SLC27A1: variants seen among roughly 807,000 people sequenced by gnomAD.
SLC27A1 encodes the protein long-chain fatty acid transport protein 1.
Under a neutral mutation model 62.2 loss-of-function variants are expected in SLC27A1, and 61 were observed. The observed-to-expected ratio is 0.98, with a 90% CI of 0.80 to 1.21. The LOEUF (loss-of-function observed/expected upper bound fraction) is 1.21, where lower values mean the gene tolerates loss of function less well. Among genes scored for constraint, SLC27A1 ranks in the 50% most tolerant of loss-of-function variants. The pLI, the probability that SLC27A1 is intolerant of heterozygous loss-of-function variation, is 0.00. For missense variants in SLC27A1, 903 were observed against 932.1 expected, an observed-to-expected ratio of 0.97 and a Z score of 0.41; for synonymous variants, 435 against 408.6, an observed-to-expected ratio of 1.06 and a Z score of -0.78.
rs546614772 is a variant in SLC27A1 at position 17,475,397 on chromosome 19, G to A, written c.167+4690G>A. On this transcript the variant is annotated intron_variant, in intron 1 of 11. Coordinates refer to ENST00000252595, the MANE Select transcript of SLC27A1 (RefSeq NM_198580.3). ...CTCTACACGCAAAAAATTAGCTGGG[G>A]GAGTGGGGCTCTCCTGTGGTCCCAG... 1.1e-3 allele frequency among the ~76,000 whole-genome samples: 164 copies of A among 152,188 alleles called. 1 individual carries two copies. Among genetic ancestry groups the A allele is most frequent in the African/African-American group, 3.8e-3 (159 of 41,530 alleles).
In SLC27A1 at chr19:17,501,336, C is replaced by T. The variant is rs374865412; in HGVS notation, c.1700C>T (p.Ala567Val). The change falls in exon 11 of 12, where the codon GCG becomes GTG. Residue 567 changes from alanine (A) to valine (V), a missense_variant. Transcript: ENST00000252595. ...CCCCACAGCCTGCTGGACCCCAACG[C>T]GATATACCAGGAGCTGCAGAAGGTG... ...ADPHSLLDPNAIYQELQKVLA... is the reference protein window; with the variant it reads ...ADPHSLLDPNVIYQELQKVLA... 2.8e-5 allele frequency: 45 copies of T among 1,613,922 alleles called. No homozygotes were observed. Among genetic ancestry groups the T allele is most frequent in the Non-Finnish European group, 3.1e-5 (37 of 1,180,020 alleles).
chr19:17,472,116 C>T (rs1222071083), intron 1 of SLC27A1, among the ~76,000 whole-genome samples: 1 of 152,154 alleles, frequency 6.6e-6, no homozygotes, highest in African/African-American at 2.4e-5. Flanking sequence ...CCATACTGGC[C>T]GGGAGCGGTG....
chr19:17,504,962 G>A lies in SLC27A1; in HGVS notation c.*350G>A, dbSNP rs975304254. The stretch of plus-strand genomic sequence containing the variant: ...GGCTAGAGTGCAGTGGTGGGATCTC[G>A]GCTCACTGCAACCTCTGCCTCCTGG... On this transcript the variant is annotated 3_prime_UTR_variant, in exon 12 of 12. Coordinates refer to ENST00000252595, the MANE Select transcript of SLC27A1 (RefSeq NM_198580.3). 13 of 423,906 alleles carry A rather than the reference G, an allele frequency of 3.1e-5. No homozygotes were observed. The highest frequency in any genetic ancestry group is 8.8e-5 in the South Asian group (5 of 57,134). 26.3% of individuals were successfully genotyped at this position (423,906 alleles called of 1,614,324 possible).
At chr19:17,497,542 A>T in intron 7 of SLC27A1, 78 bp downstream of exon 7, 1 of 1,334,858 alleles carries the variant, frequency 7.5e-7, no homozygotes, top group Non-Finnish European at 1.0e-6. Context: ...GGCCCCTGGG[A>T]TACATAAAAC....
In SLC27A1 at chr19:17,486,621, C is replaced by T; in HGVS notation, c.226C>T (p.His76Tyr). ...GCTGCGGCGGCACCAGCGTGCCGGCCACACCATCCCGCGCATCTTTCAGGC... is the reference window on the plus strand; with the variant it reads ...GCTGCGGCGGCACCAGCGTGCCGGCTACACCATCCCGCGCATCTTTCAGGC... Reference protein sequence around the residue: ...LELRRHQRAGHTIPRIFQAVV... With the variant: ...LELRRHQRAGYTIPRIFQAVV... Residue 76 changes from histidine to tyrosine, a missense_variant, in exon 2 of 12, where the codon CAC becomes TAC. His to Tyr is a moderately conservative substitution (Grantham distance 83). Transcript: ENST00000252595. This position sits in a 1 kb window ranked among gnomAD's most constrained non-coding sequence, Gnocchi z 6.6. The T allele has an allele frequency of 1.3e-6, 2 of 1,598,924 alleles. No homozygotes were observed. Among genetic ancestry groups the T allele is most frequent in the South Asian group, 1.1e-5 (1 of 90,318 alleles).
At chr19:17,469,338 A>C (rs1367723984), upstream of SLC27A1, among the ~76,000 whole-genome samples, 24 of 152,048 alleles carry the variant, frequency 1.6e-4, no homozygotes, top group Admixed American at 5.9e-4. Flanking sequence ...TTTAAGACCG[A>C]AAGAGGCTTT....
Position 17,470,554 on chromosome 19 carries a change from G to T in SLC27A1, c.14G>T (p.Gly5Val). The change falls in exon 1 of 12, where the codon GGT (glycine) becomes GTT (valine). Residue 5 changes from glycine (G) to valine (V), a missense_variant. By Grantham distance (109) the Gly-to-Val change is moderately radical (BLOSUM62 -3). Transcript: ENST00000252595. Reference protein sequence around the residue: MRAPGAGAASVVSLA... With the variant: MRAPVAGAASVVSLA... ...TGCTTCCCCAGGATGCGGGCTCCGG[G>T]TGCGGGCGCGGCCTCGGTGGTCTCG... The T allele has an allele frequency of 1.9e-6, 3 of 1,561,572 alleles. No homozygotes were observed. Among genetic ancestry groups the T allele is most frequent in the Middle Eastern group, 2.2e-4 (1 of 4,528 alleles).
chr19:17,487,169 C>G lies in SLC27A1; in HGVS notation c.563-5C>G, dbSNP rs1719106575. The stretch of plus-strand genomic sequence containing the variant: ...TGACCATGACCCATGTGTTGGGGAC[C>G]ACAGCGGTGGCCGAAGTGAGCGGGC... On this transcript the variant is annotated splice_polypyrimidine_tract_variant and splice_region_variant and intron_variant, in intron 2 of 11. Coordinates refer to ENST00000252595, the MANE Select transcript of SLC27A1 (RefSeq NM_198580.3). 1.2e-6 allele frequency: 2 copies of G among 1,613,992 alleles called. No individual in the cohort carries two copies. Among genetic ancestry groups the G allele is most frequent in the Non-Finnish European group, 1.7e-6 (2 of 1,180,002 alleles).
intron 7 of SLC27A1, 73 bp downstream of exon 7, chr19:17,497,537 C>T: frequency 1.5e-6 from 2 of 1,362,910 alleles, no homozygotes; most frequent in Non-Finnish European, 2.0e-6. Flanking sequence ...CCTGGGGCCC[C>T]TGGGATACAT....
intron 7 of SLC27A1, 23 bp downstream of exon 7, chr19:17,497,487 G>A (rs893726024): frequency 6.3e-7 from 1 of 1,585,104 alleles, no homozygotes; most frequent in South Asian, 1.1e-5. Flanking sequence ...AGGGCCCCGG[G>A]GCAGGTCTCG....
rs552902670 is a variant in SLC27A1 at position 17,486,108 on chromosome 19, T to C, written c.168-455T>C. Among the ~76,000 whole-genome samples, 3 of 152,318 alleles carry C rather than the reference T, an allele frequency of 2.0e-5. No homozygotes were observed. In the South Asian group the frequency reaches 6.2e-4, roughly 32 times the overall value. ...AGTTGGGGGCACACGTGCTAGATGC[T>C]TCAGCCATCTGTCCCTGGTGCCACC... On this transcript the variant is annotated intron_variant, in intron 1 of 11. Transcript: ENST00000252595. This position sits in a 1 kb window ranked among gnomAD's most constrained non-coding sequence, Gnocchi z 6.6.
chr19:17,496,002 T>G (rs2075345979), intron 6 of SLC27A1: 1 of 152,808 alleles, frequency 6.5e-6, no homozygotes, highest in Non-Finnish European at 1.5e-5. Context: ...GCAAAGTCCC[T>G]GAGGAGGCAG....
At chr19:17,499,122 AG>A (rs2075381331) in intron 7 of SLC27A1, 1 of 197,572 alleles carries the variant, frequency 5.1e-6, no homozygotes, top group African/African-American at 2.4e-5. Context: ...CCCGGGGGAA[AG>A]GGAGACTCCC....
At chr19:17,500,450 A>G in intron 8 of SLC27A1, 45 bp from the exon 9 acceptor site, 1 of 1,612,380 alleles carries the variant, frequency 6.2e-7, no homozygotes, top group Non-Finnish European at 8.5e-7. Flanking sequence ...AGGGGTCCCC[A>G]CGCCCTGCCT....
chr19:17,497,402 CA>C lies in SLC27A1; in HGVS notation c.1147del (p.Ile383SerfsTer40). On this transcript the variant is annotated frameshift_variant, in exon 7 of 12. Coordinates refer to ENST00000252595, the MANE Select transcript of SLC27A1 (RefSeq NM_198580.3). LOFTEE classifies it high-confidence loss of function. The stretch of plus-strand genomic sequence containing the variant: ...GTTCACGGAGCGCTTCGGCGTACGC[CA>C]AATCGGGGAGTTCTACGGCGCCACC... Reference protein sequence around the residue: ...EEFTERFGVRQIGEFYGATEC... With the variant: ...EEFTERFGVRXIGEFYGATEC... 6.2e-7 allele frequency: 1 copy of C among 1,605,072 alleles called. No homozygotes were observed. Among genetic ancestry groups the C allele is most frequent in the Non-Finnish European group, 8.5e-7 (1 of 1,177,362 alleles).
In SLC27A1 at chr19:17,470,550, C is replaced by CCGGGTG; in HGVS notation, c.15_20dup (p.Gly7_Ala8dup). On this transcript the variant is annotated inframe_insertion, in exon 1 of 12. Coordinates refer to ENST00000252595, the MANE Select transcript of SLC27A1 (RefSeq NM_198580.3). ...TCTCTGCTTCCCCAGGATGCGGGCT[C>CCGGGTG]CGGGTGCGGGCGCGGCCTCGGTGGT... 6.4e-7 allele frequency: 1 copy of CCGGGTG among 1,557,652 alleles called. No individual in the cohort carries two copies. The highest frequency in any genetic ancestry group is 8.6e-7 in the Non-Finnish European group (1 of 1,161,376).
chr19:17,501,442 T>C (rs11668681), intron 11 of SLC27A1, 23 bp downstream of exon 11: 1,367,898 of 1,603,810 alleles, frequency 0.85, 593,034 homozygotes, highest in Non-Finnish European at 0.9. Context: ...CCCACTCCAA[T>C]CTCTCTCTTC....
upstream of SLC27A1, chr19:17,470,460 G>A (rs1409607650): frequency 1.4e-6 from 2 of 1,399,032 alleles, no homozygotes; most frequent in African/African-American, 1.5e-5. Flanking sequence ...CGCTGTAGAG[G>A]CGGGGGCGGT....
At chr19:17,479,569 GA>G (rs1441257142) in intron 1 of SLC27A1, among the ~76,000 whole-genome samples, 2 of 152,110 alleles carry the variant, frequency 1.3e-5, no homozygotes, top group Non-Finnish European at 2.9e-5. Flanking sequence ...TCCCATATGC[GA>G]ATTTAATATG....
Sources: gnomAD v4.1 joint callset for allele counts (sites outside exome capture counted in the v4.1 genomes callset) on GRCh38, gnomAD v4.1.1 for gene constraint, Gnocchi (gnomAD v3.1) non-coding constraint, MANE v1.5 for transcripts, NCBI Gene and HGNC (gene_info 2026-07-23, HGNC 2026-07-21) for gene names.